SPPL2A: variants seen among roughly 807,000 people sequenced by gnomAD.
SPPL2A encodes signal peptide peptidase like 2A.
A neutral mutation model predicts 63.8 loss-of-function variants in SPPL2A; 51 were observed. The observed-to-expected ratio is 0.80, with a 90% CI of 0.64 to 1.01. The LOEUF is 1.01. Among genes scored for constraint, SPPL2A ranks in the 50% least tolerant of loss-of-function variants. The pLI, the probability that SPPL2A is intolerant of heterozygous loss-of-function variation, is 0.00. For missense variants in SPPL2A, 553 were observed against 622.7 expected (o/e 0.89, Z 1.19); for synonymous variants, 188 against 205.8 (o/e 0.91, Z 0.74).
Position 50,722,176 on chromosome 15 carries a change from T to A in SPPL2A, c.1275A>T (p.Arg425Ser). 1.3e-6 allele frequency: 2 copies of A among 1,598,246 alleles called. No individual in the cohort carries two copies. The highest frequency in any genetic ancestry group is 1.7e-6 in the Non-Finnish European group (2 of 1,169,110). ...VPGLLIAYCR[R>S]FDVQTGSSYI... is the part of the protein sequence containing the mutation. The stretch of plus-strand genomic sequence containing the variant: ...AAGAAGAACCAGTCTGAACATCAAA[T>A]CTTCTACAGTATGCAATCAACAGGC... Residue 425 changes from arginine to serine, a missense_variant, in exon 13 of 15, where the codon AGA becomes AGT. Coordinates refer to ENST00000261854, the MANE Select transcript of SPPL2A (RefSeq NM_032802.4).
At chr15:50,728,342 C>A (rs755448509) in intron 10 of SPPL2A, among the ~76,000 whole-genome samples, 4 of 152,012 alleles carry the variant, frequency 2.6e-5, no homozygotes, top group Non-Finnish European at 5.9e-5. Context: ...TATTTTTTAT[C>A]TTTATTTTTA....
At chr15:50,731,354 T>C (rs1016241596) in intron 9 of SPPL2A, among the ~76,000 whole-genome samples, 7 of 151,930 alleles carry the variant, frequency 4.6e-5, no homozygotes, top group Non-Finnish European at 8.8e-5. Flanking sequence ...GAGACCAGCC[T>C]GGCCAACATG....
intron 14 of SPPL2A, among the ~76,000 whole-genome samples, chr15:50,713,835 A>G (rs944003588): frequency 9.2e-5 from 14 of 152,174 alleles, no homozygotes; most frequent in East Asian, 5.8e-4. Flanking sequence ...ACAAACAACA[A>G]AACAAAAAAT....
chr15:50,732,603 CT>C lies in SPPL2A; in HGVS notation c.1013del (p.Lys338SerfsTer4). 6.4e-7 allele frequency: 1 copy of C among 1,565,304 alleles called. No homozygotes were observed. Among genetic ancestry groups the C allele is most frequent in the Non-Finnish European group, 8.8e-7 (1 of 1,137,452 alleles). On this transcript the variant is annotated frameshift_variant and splice_region_variant, in exon 9 of 15. Transcript: ENST00000261854. LOFTEE classifies it high-confidence loss of function. Reference protein sequence around the residue: ...LIKTLKLPNFKSCVILLGLLL... With the variant: ...LIKTLKLPNFXSCVILLGLLL... ...AGCAAAGTAGTATTGTATACATTAC[CT>C]TGAAGTTGGGCAACTTCAGTGTTTT... is the stretch of plus-strand genomic sequence containing the variant.
chr15:50,758,886 ATATCTATCTATCTATCTATCTATCTATC>A (rs79216272), intron 1 of SPPL2A, among the ~76,000 whole-genome samples: 1 of 149,586 alleles, frequency 6.7e-6, no homozygotes, highest in East Asian at 2.0e-4. Context: ...TATAATAAGC[ATATCTATCTATCTATCTATCTATCTATC>A]TATCTATCTA....
intron 5 of SPPL2A, among the ~76,000 whole-genome samples, chr15:50,746,164 G>C (rs902076368): frequency 3.3e-5 from 5 of 151,594 alleles, no homozygotes; most frequent in Admixed American, 1.3e-4. Flanking sequence ...TGGAGGCCAG[G>C]CACAGTGACT....
chr15:50,705,367 C>T lies in SPPL2A; in HGVS notation c.*2433G>A, dbSNP rs1045171046. ...AAAAAAAAAAAAAGAAATTAATTAT[C>T]TCATTTCGATGTAGTAAAAAAAAAA... On this transcript the variant is annotated 3_prime_UTR_variant, in exon 15 of 15. Coordinates refer to ENST00000261854, the MANE Select transcript of SPPL2A (RefSeq NM_032802.4). 1 of 151,172 alleles carries T rather than the reference C, an allele frequency of 6.6e-6. No individual in the cohort carries two copies. Among genetic ancestry groups the T allele is most frequent in the Non-Finnish European group, 1.5e-5 (1 of 67,872 alleles). The allele number at this position is 151,172 out of a possible 1,614,324, so 9.4% of individuals were successfully genotyped here. A position where few individuals can be genotyped will look rare whatever the true frequency, so the allele number is the denominator to read the frequency against.
intron 5 of SPPL2A, chr15:50,742,585 CT>C (rs2062830944): frequency 6.6e-6 from 1 of 152,078 alleles, no homozygotes. Flanking sequence ...AATGATGGGC[CT>C]TATGTTTTTA....
intron 1 of SPPL2A, among the ~76,000 whole-genome samples, chr15:50,764,767 G>A (rs1236760106): frequency 6.6e-6 from 1 of 152,114 alleles, no homozygotes; most frequent in African/African-American, 2.4e-5. Context: ...ACAAATCTAT[G>A]AACACATATT....
intron 1 of SPPL2A, among the ~76,000 whole-genome samples, chr15:50,758,089 C>A (rs2062976985): frequency 6.7e-6 from 1 of 150,116 alleles, no homozygotes; most frequent in Admixed American, 6.6e-5. Context: ...GAGGTCGAGA[C>A]CATCCTGGCT....
chr15:50,742,799 CA>C (rs1251017159), intron 5 of SPPL2A: 1 of 152,110 alleles, frequency 6.6e-6, no homozygotes, highest in African/African-American at 2.4e-5. Context: ...TTGAAGGCAA[CA>C]AATTACTTGT....
chr15:50,747,717 G>GT, intron 4 of SPPL2A, 89 bp from the exon 5 acceptor site: 1 of 898,634 alleles, frequency 1.1e-6, no homozygotes, highest in Non-Finnish European at 1.8e-6. Context: ...ACTCTGGAAT[G>GT]GACATTATAC....
intron 9 of SPPL2A, among the ~76,000 whole-genome samples, chr15:50,732,284 T>C (rs1055525197): frequency 2.0e-5 from 3 of 151,452 alleles, no homozygotes; most frequent in Middle Eastern, 3.4e-3. Flanking sequence ...AACATATCCA[T>C]GTAATAAAAC....
chr15:50,764,853 TAC>T (rs1469020519), intron 1 of SPPL2A, among the ~76,000 whole-genome samples: 2 of 151,964 alleles, frequency 1.3e-5, no homozygotes, highest in Non-Finnish European at 2.9e-5. Context: ...CTAAAAGCAT[TAC>T]ATTTTGGTGT....
At chr15:50,724,815 T>C (rs962310931) in intron 12 of SPPL2A, among the ~76,000 whole-genome samples, 4 of 152,226 alleles carry the variant, frequency 2.6e-5, no homozygotes, top group Admixed American at 2.6e-4. Flanking sequence ...TTCTTCTATG[T>C]TTCTCCTCTT....
intron 10 of SPPL2A, among the ~76,000 whole-genome samples, chr15:50,728,996 T>C (rs775194539): frequency 2.6e-5 from 4 of 152,030 alleles, no homozygotes; most frequent in Non-Finnish European, 5.9e-5. Context: ...GTATTTTTAG[T>C]AGAGATGGGG....
intron 14 of SPPL2A, among the ~76,000 whole-genome samples, chr15:50,713,549 G>A (rs1403480017): frequency 2.0e-5 from 3 of 151,916 alleles, no homozygotes; most frequent in African/African-American, 7.3e-5. Flanking sequence ...ACAGGAGTGA[G>A]CCACCGCGCC....
Position 50,748,165 on chromosome 15 carries a change from A to G in SPPL2A, c.398T>C (p.Val133Ala). The G allele has an allele frequency of 6.6e-7, 1 of 1,515,270 alleles. No homozygotes were observed. Among genetic ancestry groups the G allele is most frequent in the South Asian group, 1.4e-5 (1 of 72,334 alleles). 93.9% of individuals were successfully genotyped at this position (1,515,270 alleles called of 1,614,324 possible). A position where few individuals can be genotyped will look rare whatever the true frequency, so the allele number is the denominator to read the frequency against. ...PSGNRSEFPD[V>A]KILIAFISYK... is the part of the protein sequence containing the mutation. ...GCTTATAAATGCAATCAGTATTTTC[A>G]CATCAGGAAATTCAGATCTGTTACC... Residue 133 changes from valine to alanine, a missense_variant, in exon 4 of 15, where the codon GTG becomes GCG. Val to Ala is a moderately conservative substitution (Grantham distance 64). Coordinates refer to ENST00000261854, the MANE Select transcript of SPPL2A (RefSeq NM_032802.4).
intron 5 of SPPL2A, among the ~76,000 whole-genome samples, chr15:50,741,105 G>C (rs553617372): frequency 1.3e-5 from 2 of 152,106 alleles, no homozygotes; most frequent in African/African-American, 2.4e-5. Context: ...GACAGAAGTC[G>C]AGGAGGAAAA....
Sources: gnomAD v4.1 joint callset for allele counts (sites outside exome capture counted in the v4.1 genomes callset) on GRCh38, gnomAD v4.1.1 for gene constraint, MANE v1.5 for transcripts, NCBI Gene and HGNC (gene_info 2026-07-23, HGNC 2026-07-21) for gene names.